NREP: variants seen among roughly 807,000 people sequenced by gnomAD.
NREP encodes the protein neuronal regeneration related protein.
In NREP, 5 loss-of-function variants were observed where a neutral mutation model predicts 8.6. That is an observed-to-expected ratio of 0.58 (90% confidence interval 0.30 to 1.22). The LOEUF (loss-of-function observed/expected upper bound fraction) is 1.22, where lower values mean the gene tolerates loss of function less well. Ranked by LOEUF, NREP falls within the 50% of genes most tolerant of loss-of-function variation. NREP has a pLI of 0.07. For missense variants in NREP, 86 were observed against 82.5 expected, an observed-to-expected ratio of 1.04 and a Z score of -0.17; for synonymous variants, 27 against 28.0, an observed-to-expected ratio of 0.96 and a Z score of 0.11.
chr5:111,838,206 T>C (rs1232906993), intron 2 of NREP, among the ~76,000 whole-genome samples: 1 of 152,200 alleles, frequency 6.6e-6, no homozygotes, highest in East Asian at 1.9e-4. Context: ...TGAGACACTA[T>C]ATTCTTTTTA....
upstream of NREP, among the ~76,000 whole-genome samples, chr5:111,762,308 C>T (rs1323600347): frequency 6.6e-6 from 1 of 152,090 alleles, no homozygotes; most frequent in African/African-American, 2.4e-5. Context: ...CAGTGGGTGA[C>T]ACTGAGTTCA....
Position 111,797,754 on chromosome 5 carries a change from C to A in NREP, c.136-62247G>T, listed in dbSNP as rs539528879. Among the ~76,000 whole-genome samples, 11 of 152,240 alleles carry A rather than the reference C, an allele frequency of 7.2e-5. No individual in the cohort carries two copies. The East Asian group carries it at 2.1e-3, about 29-fold the overall frequency. On this transcript the variant is annotated intron_variant, in intron 2 of 3. Coordinates refer to the NREP transcript ENST00000395634. ...TCAATGAGTCAGAATAGCCTTCCAA[C>A]CATTAAGGCCCTGATGAGGATGGGA...
rs191489015 is a variant in NREP at position 111,775,873 on chromosome 5, C to A, written c.136-40366G>T. 2.6e-5 allele frequency among the ~76,000 whole-genome samples: 4 copies of A among 151,990 alleles called. No individual in the cohort carries two copies. The East Asian group carries it at 7.7e-4, about 29-fold the overall frequency. On this transcript the variant is annotated intron_variant, in intron 2 of 3. Transcript: ENST00000395634. ...TCTAAATCAATAAAAGACCAAGAACCTAATAAGGGGTGAAGGATATTAAAA... is the reference window on the plus strand; with the variant it reads ...TCTAAATCAATAAAAGACCAAGAACATAATAAGGGGTGAAGGATATTAAAA...
chr5:111,926,138 C>A (rs1755377447), intron 2 of NREP, among the ~76,000 whole-genome samples: 1 of 152,070 alleles, frequency 6.6e-6, no homozygotes, highest in African/African-American at 2.4e-5. Flanking sequence ...TAAGGTCTTT[C>A]AATGAGAAGG....
At chr5:111,976,531 T>C (rs900966805) in intron 1 of NREP, among the ~76,000 whole-genome samples, 1 of 152,212 alleles carries the variant, frequency 6.6e-6, no homozygotes, top group Non-Finnish European at 1.5e-5. Context: ...AAATATTGAA[T>C]AAATGAACGA....
intron 2 of NREP, among the ~76,000 whole-genome samples, chr5:111,890,313 T>A (rs540798559): frequency 6.6e-6 from 1 of 152,242 alleles, no homozygotes; most frequent in Admixed American, 6.5e-5. Context: ...TCTGCCCCTA[T>A]GGCTTTGTAC....
intron 2 of NREP, among the ~76,000 whole-genome samples, chr5:111,838,118 AAATT>A (rs1449768993): frequency 6.6e-6 from 1 of 152,166 alleles, no homozygotes; most frequent in Non-Finnish European, 1.5e-5. Context: ...TGAAAAAACA[AAATT>A]AATATCAGTA....
intron 2 of NREP, among the ~76,000 whole-genome samples, chr5:111,964,696 T>G (rs139506293): frequency 1.2e-3 from 176 of 151,924 alleles, no homozygotes; most frequent in African/African-American, 4.1e-3. Context: ...GACAACTGGC[T>G]GTGTCCAGTT....
At chr5:111,975,610 A>C (rs1756941041) in intron 1 of NREP, among the ~76,000 whole-genome samples, 1 of 152,214 alleles carries the variant, frequency 6.6e-6, no homozygotes, top group Non-Finnish European at 1.5e-5. Flanking sequence ...TGTGGTTCTA[A>C]AAAAGGTGTT....
chr5:111,797,204 T>C (rs1751893597), intron 2 of NREP, among the ~76,000 whole-genome samples: 1 of 152,210 alleles, frequency 6.6e-6, no homozygotes, highest in Non-Finnish European at 1.5e-5. Context: ...ATTCAATAAA[T>C]ATTTGTTTAT....
chr5:111,892,749 C>T (rs75505668), intron 2 of NREP, among the ~76,000 whole-genome samples: 1 of 151,894 alleles, frequency 6.6e-6, no homozygotes, highest in African/African-American at 2.4e-5. Flanking sequence ...ACAAAACCAC[C>T]CAGAAAACAT....
chr5:111,929,554 A>T (rs1413831913), intron 2 of NREP, among the ~76,000 whole-genome samples: 2 of 152,202 alleles, frequency 1.3e-5, no homozygotes, highest in Non-Finnish European at 2.9e-5. Flanking sequence ...AGGTTCCACT[A>T]TTATTGTCAA....
intron 2 of NREP, among the ~76,000 whole-genome samples, chr5:111,843,968 A>G (rs1753095092): frequency 6.6e-6 from 1 of 152,212 alleles, no homozygotes; most frequent in Non-Finnish European, 1.5e-5. Flanking sequence ...TTGATTTCCT[A>G]AATGTCAACT....
intron 2 of NREP, among the ~76,000 whole-genome samples, chr5:111,973,763 T>C (rs1483327232): frequency 6.6e-6 from 1 of 152,202 alleles, no homozygotes; most frequent in African/African-American, 2.4e-5. Context: ...TCAATTTCTA[T>C]TCACAAGCCT....
intron 2 of NREP, among the ~76,000 whole-genome samples, chr5:111,850,499 TG>T (rs1339322174): frequency 6.6e-6 from 1 of 152,296 alleles, no homozygotes; most frequent in East Asian, 1.9e-4. Context: ...TTCCACTTCT[TG>T]GGCCTGTCTT....
chr5:111,920,106 A>T (rs1755196086), intron 2 of NREP, among the ~76,000 whole-genome samples: 1 of 151,534 alleles, frequency 6.6e-6, no homozygotes, highest in South Asian at 2.1e-4. Context: ...GAGCCTACTC[A>T]CCCAATTCCT....
intron 2 of NREP, among the ~76,000 whole-genome samples, chr5:111,948,645 T>C (rs1046210686): frequency 6.6e-6 from 1 of 152,000 alleles, no homozygotes; most frequent in South Asian, 2.1e-4. Context: ...ATGGAAAAAA[T>C]TTCGAAACAC....
intron 2 of NREP, among the ~76,000 whole-genome samples, chr5:111,946,085 C>CACACAT (rs1554055365): frequency 3.2e-5 from 4 of 124,514 alleles, no homozygotes; most frequent in African/African-American, 1.1e-4. Context: ...CACACACACA[C>CACACAT]ACACACACAC....
intron 2 of NREP, among the ~76,000 whole-genome samples, chr5:111,952,946 AC>A (rs1756206330): frequency 6.6e-6 from 1 of 152,098 alleles, no homozygotes; most frequent in Admixed American, 6.5e-5. Flanking sequence ...TACTGTTTTT[AC>A]CACATGCATG....
Sources: gnomAD v4.1 joint callset for allele counts (sites outside exome capture counted in the v4.1 genomes callset) on GRCh38, gnomAD v4.1.1 for gene constraint, MANE v1.5 for transcripts, NCBI Gene and HGNC (gene_info 2026-07-23, HGNC 2026-07-21) for gene names.